PTPRN2: variants seen among roughly 807,000 people sequenced by gnomAD.
PTPRN2 encodes receptor-type tyrosine-protein phosphatase N2.
In PTPRN2, 74 loss-of-function variants were observed where a neutral mutation model predicts 118.8. That is an observed-to-expected ratio of 0.62 (90% confidence interval 0.52 to 0.76). PTPRN2 has a LOEUF of 0.76. PTPRN2 is among the 30% of genes least tolerant of loss of function. The pLI is 0.00. For synonymous variants in PTPRN2, 641 were observed against 608.0 expected, an observed-to-expected ratio of 1.05 and a Z score of -0.80; for missense variants, 1,481 against 1,394.4, an observed-to-expected ratio of 1.06 and a Z score of -0.99.
chr7:158,151,064 C>A (rs1405377045), intron 6 of PTPRN2, among the ~76,000 whole-genome samples: 1 of 120,940 alleles, frequency 8.3e-6, no homozygotes, highest in Non-Finnish European at 1.8e-5. Context: ...ACACTGCCCG[C>A]CTTTCCACTC....
chr7:158,194,615 GC>G (rs1201757855), intron 4 of PTPRN2, among the ~76,000 whole-genome samples: 1 of 152,210 alleles, frequency 6.6e-6, no homozygotes, highest in African/African-American at 2.4e-5. Context: ...CTTTACAGGT[GC>G]GGTCAGCTGC....
In PTPRN2 at chr7:158,570,913, C is replaced by A. The variant is rs1827989850; in HGVS notation, c.112+16645G>T. Among the ~76,000 whole-genome samples the A allele has an allele frequency of 1.3e-5, 2 of 152,226 alleles. No individual in the cohort carries two copies. Among genetic ancestry groups the A allele is most frequent in the Admixed American group, 1.3e-4 (2 of 15,290 alleles). On this transcript the variant is annotated intron_variant, in intron 1 of 22. Transcript: ENST00000389418. The surrounding 1 kb of genome is among the most constrained non-coding windows in gnomAD (Gnocchi z 4.5). ...CCTGGTTACCTCTGGCCTTCCTCTG[C>A]TCAGAAGCCCACCCCTGCAGAGCAA...
chr7:157,824,132 G>A lies in PTPRN2; in HGVS notation c.1788+74541C>T, dbSNP rs376848461. 6.7e-3 allele frequency among the ~76,000 whole-genome samples: 1,019 copies of A among 152,196 alleles called. 4 individuals carry two copies. Among genetic ancestry groups the A allele is most frequent in the Non-Finnish European group, 0.011 (781 of 67,996 alleles). On this transcript the variant is annotated intron_variant, in intron 12 of 22. Transcript: ENST00000389418. ...AGCACACGGCCCCAGAGCTCAGACC[G>A]TCAGTGGGGTTTGTGCACAGCCTCC...
chr7:158,369,276 C>T (rs28419349), intron 2 of PTPRN2, among the ~76,000 whole-genome samples: 53 of 50,096 alleles, frequency 1.1e-3, no homozygotes, highest in East Asian at 6.2e-3. Flanking sequence ...CATACACACA[C>T]ACACACACAC....
rs1418395450 is a variant in PTPRN2, at chr7:157,903,641, T to C, written c.1724-4904A>G. On this transcript the variant is annotated intron_variant, in intron 11 of 22. Coordinates refer to ENST00000389418, the MANE Select transcript of PTPRN2 (RefSeq NM_002847.5). This position sits in a 1 kb window ranked among gnomAD's most constrained non-coding sequence, Gnocchi z 4.2. Reference sequence around the variant, plus strand: ...ACCTGAATTAGTGTTTGGTTTTTTCTTTTTCCTTTTTTTTTTTTATACTAA... The same window carrying C: ...ACCTGAATTAGTGTTTGGTTTTTTCCTTTTCCTTTTTTTTTTTTATACTAA... 2.3e-5 allele frequency among the ~76,000 whole-genome samples: 3 copies of C among 129,726 alleles called. No individual in the cohort carries two copies. Among genetic ancestry groups the C allele is most frequent in the Non-Finnish European group, 3.4e-5 (2 of 58,912 alleles). 85.1% of individuals were successfully genotyped at this position (129,726 alleles called of 152,430 possible).
intron 6 of PTPRN2, 79 bp downstream of exon 6, chr7:158,166,852 A>C (rs1823055399): frequency 7.2e-7 from 1 of 1,382,130 alleles, no homozygotes; most frequent in African/African-American, 1.5e-5. Flanking sequence ...GTGTGGGAAG[A>C]GCATGGTGCG....
chr7:157,806,779 C>G (rs551418858), intron 12 of PTPRN2, among the ~76,000 whole-genome samples: 11 of 152,358 alleles, frequency 7.2e-5, no homozygotes, highest in Non-Finnish European at 1.3e-4. Context: ...GCACTGAGAA[C>G]CCCCTCAGTC....
chr7:157,816,867 C>T (rs950422884), intron 12 of PTPRN2, among the ~76,000 whole-genome samples: 1 of 152,252 alleles, frequency 6.6e-6, no homozygotes, highest in African/African-American at 2.4e-5. Flanking sequence ...CTCCCTTTCT[C>T]CTCCTCTTTT....
intron 2 of PTPRN2, among the ~76,000 whole-genome samples, chr7:158,486,710 G>C (rs1319433930): frequency 6.6e-6 from 1 of 152,180 alleles, no homozygotes; most frequent in South Asian, 2.1e-4. Context: ...TGAAGCATTC[G>C]ATTACGTTAA....
At chr7:157,684,823 C>T (rs985100024) in intron 12 of PTPRN2, among the ~76,000 whole-genome samples, 1 of 152,026 alleles carries the variant, frequency 6.6e-6, no homozygotes, top group African/African-American at 2.4e-5. Flanking sequence ...GCTGGTTCTC[C>T]CGGGTGGGCG....
chr7:158,081,515 A>G (rs998604001), intron 10 of PTPRN2, 138 bp from the exon 11 acceptor site: 34 of 735,996 alleles, frequency 4.6e-5, no homozygotes, highest in Non-Finnish European at 7.6e-5. Context: ...CGTCGACTCC[A>G]CTGGACGTCG....
intron 3 of PTPRN2, among the ~76,000 whole-genome samples, chr7:158,211,821 A>G (rs901177417): frequency 6.6e-6 from 1 of 152,166 alleles, no homozygotes; most frequent in African/African-American, 2.4e-5. Context: ...GTTCCTTAAA[A>G]AGCTGAAAAT....
At chr7:158,082,150 C>G (rs920982067) in intron 10 of PTPRN2, among the ~76,000 whole-genome samples, 16 of 152,072 alleles carry the variant, frequency 1.1e-4, no homozygotes, top group Admixed American at 9.2e-4. Context: ...ACAGGAAATG[C>G]GAAGAGGACC....
chr7:157,805,469 A>G (rs1320322446), intron 12 of PTPRN2, among the ~76,000 whole-genome samples: 3 of 152,176 alleles, frequency 2.0e-5, no homozygotes, highest in Non-Finnish European at 4.4e-5. Context: ...ATTCAGGGAG[A>G]TGGGAAAAGG....
Position 158,150,081 on chromosome 7 carries a change from G to A in PTPRN2, c.911-11566C>T, listed in dbSNP as rs1239451397. ...GAAAACAGAGTCATCTGAGGGAAGA[G>A]GCCGTGGGGCAGAAGGCTGCCGTGG... is the stretch of plus-strand genomic sequence containing the variant. On this transcript the variant is annotated intron_variant, in intron 6 of 22. Transcript: ENST00000389418. 3.3e-5 allele frequency among the ~76,000 whole-genome samples: 5 copies of A among 152,316 alleles called. No individual in the cohort carries two copies. In the South Asian group the frequency reaches 8.3e-4, roughly 25 times the overall value.
intron 12 of PTPRN2, among the ~76,000 whole-genome samples, chr7:157,842,092 T>G (rs1444514336): frequency 6.6e-6 from 1 of 152,212 alleles, no homozygotes; most frequent in Non-Finnish European, 1.5e-5. Flanking sequence ...GTCAGAGCAC[T>G]GGAACCATGC....
intron 12 of PTPRN2, among the ~76,000 whole-genome samples, chr7:157,805,913 T>C (rs1563128700): frequency 1.3e-5 from 2 of 152,012 alleles, no homozygotes; most frequent in Non-Finnish European, 2.9e-5. Flanking sequence ...AGCGATGGGG[T>C]CTGGTGCTTC....
chr7:157,970,482 G>C (rs1199497230), intron 11 of PTPRN2, among the ~76,000 whole-genome samples: 1 of 152,234 alleles, frequency 6.6e-6, no homozygotes, highest in Non-Finnish European at 1.5e-5. Flanking sequence ...AAATAGAGCA[G>C]AGCAGGGAGT....
intron 11 of PTPRN2, among the ~76,000 whole-genome samples, chr7:157,911,288 C>G (rs1798091053): frequency 6.6e-6 from 1 of 152,262 alleles, no homozygotes; most frequent in East Asian, 1.9e-4. Flanking sequence ...GAAAAGATGC[C>G]CCCTTAGAGA....
Sources: gnomAD v4.1 joint callset for allele counts (sites outside exome capture counted in the v4.1 genomes callset) on GRCh38, gnomAD v4.1.1 for gene constraint, Gnocchi (gnomAD v3.1) non-coding constraint, MANE v1.5 for transcripts, NCBI Gene and HGNC (gene_info 2026-07-23, HGNC 2026-07-21) for gene names.